PDK3: variants seen among roughly 807,000 people sequenced by gnomAD.
The protein encoded by PDK3 is pyruvate dehydrogenase kinase 3.
A neutral mutation model predicts 32.0 loss-of-function variants in PDK3; 12 were observed. The ratio of observed to expected loss-of-function variants is 0.37; its 90% CI spans 0.24 to 0.61. PDK3 has a LOEUF of 0.61. PDK3 is among the 20% of genes least tolerant of loss of function. PDK3 has a pLI of 0.65. For missense variants in PDK3, 188 were observed against 316.9 expected (o/e 0.59, Z 3.09); for synonymous variants, 122 against 116.3 (o/e 1.05, Z -0.31).
chrX:24,549,919 A>G (rs1009994772), exon 12 of PDK3: 4 of 112,402 alleles, frequency 3.6e-5, no homozygotes, highest in Non-Finnish European at 7.5e-5. Flanking sequence ...ACCATTGTGA[A>G]CATATCTGAT....
At chrX:24,538,810 AT>A (rs1197296401), downstream of PDK3, among the ~76,000 whole-genome samples, 1 of 111,287 alleles carries the variant, frequency 9.0e-6, no homozygotes, top group African/African-American at 3.3e-5. Context: ...ACAATTCCAT[AT>A]TTTTTAGTAT....
chrX:24,496,674 C>T (rs1219798969), intron 2 of PDK3, among the ~76,000 whole-genome samples: 1 of 93,749 alleles, frequency 1.1e-5, no homozygotes, highest in African/African-American at 4.0e-5. Flanking sequence ...AAAAGCGAAT[C>T]TTATGCATAA....
chrX:24,501,045 T>C (rs1022623571), intron 3 of PDK3, among the ~76,000 whole-genome samples: 1 of 83,605 alleles, frequency 1.2e-5, no homozygotes, highest in African/African-American at 4.6e-5. Context: ...ACATCTTTAT[T>C]GTCATTGTAC....
chrX:24,536,726 A>G (rs894293604), downstream of PDK3, among the ~76,000 whole-genome samples: 3 of 110,647 alleles, frequency 2.7e-5, no homozygotes, highest in African/African-American at 9.9e-5. Flanking sequence ...TTTTACATCT[A>G]TATTTCCTCT....
chrX:24,541,755 C>G (rs1280995823), exon 12 of PDK3, among the ~76,000 whole-genome samples: 1 of 112,615 alleles, frequency 8.9e-6, no homozygotes, highest in African/African-American at 3.2e-5. Flanking sequence ...GGCAGAGAAT[C>G]TGGCTGTTTA....
exon 12 of PDK3, chrX:24,546,717 C>T (rs931627875): frequency 2.7e-5 from 3 of 111,555 alleles, no homozygotes. Flanking sequence ...CTGGTCATCC[C>T]TGGGGGTAGA....
chrX:24,478,128 C>G (rs145753445), intron 1 of PDK3, among the ~76,000 whole-genome samples: 1,797 of 111,623 alleles, frequency 0.016, 39 homozygotes, highest in African/African-American at 0.055. Context: ...GGGTTTACAT[C>G]TTTGCCATGT....
intron 1 of PDK3, among the ~76,000 whole-genome samples, chrX:24,490,200 A>G (rs1198316370): frequency 9.0e-6 from 1 of 111,568 alleles, no homozygotes; most frequent in Non-Finnish European, 1.9e-5. Context: ...CTGGTCTCGA[A>G]CTCCTGGCCT....
At chrX:24,484,958 G>A in intron 1 of PDK3, among the ~76,000 whole-genome samples, 1 of 110,956 alleles carries the variant, frequency 9.0e-6, no homozygotes, top group South Asian at 3.8e-4. Context: ...AAGTATGTAT[G>A]TCCTCAGCTT....
intron 5 of PDK3, among the ~76,000 whole-genome samples, chrX:24,509,688 G>A (rs1406076202): frequency 3.6e-5 from 4 of 111,353 alleles, no homozygotes; most frequent in Non-Finnish European, 7.5e-5. Context: ...TTCAGATTCC[G>A]AAAGTGTATA....
intron 6 of PDK3, among the ~76,000 whole-genome samples, chrX:24,519,342 G>A (rs1224888573): frequency 9.4e-6 from 1 of 106,471 alleles, no homozygotes; most frequent in African/African-American, 3.4e-5. Context: ...TCAAGGAAGT[G>A]CAAACAAAAA....
intron 10 of PDK3, among the ~76,000 whole-genome samples, chrX:24,532,823 A>T (rs753890778): frequency 9.0e-6 from 1 of 111,118 alleles, no homozygotes; most frequent in African/African-American, 3.3e-5. Context: ...ATCTTTCCAG[A>T]TCCATTTATG....
At chrX:24,525,848 G>C (rs1275960185) in intron 6 of PDK3, among the ~76,000 whole-genome samples, 1 of 112,254 alleles carries the variant, frequency 8.9e-6, no homozygotes, top group Non-Finnish European at 1.9e-5. Flanking sequence ...AGTGGCAGAA[G>C]GTAGCCCCCA....
intron 5 of PDK3, among the ~76,000 whole-genome samples, chrX:24,506,801 C>CTTTCTTT (rs1921990324): frequency 2.0e-5 from 1 of 49,505 alleles, no homozygotes; most frequent in Non-Finnish European, 3.5e-5. Flanking sequence ...TTTTTTCTTT[C>CTTTCTTT]TTTTTTTTTT....
chrX:24,523,597 G>A (rs756916526), intron 6 of PDK3, among the ~76,000 whole-genome samples: 29 of 112,479 alleles, frequency 2.6e-4, no homozygotes, highest in Non-Finnish European at 5.1e-4. Context: ...GAGCATGGAG[G>A]GATGACGGGA....
chrX:24,486,590 C>T (rs998276071), intron 1 of PDK3, among the ~76,000 whole-genome samples: 8 of 110,862 alleles, frequency 7.2e-5, no homozygotes, highest in African/African-American at 2.6e-4. Context: ...GCGTGAAATC[C>T]CCAGTATTTG....
chrX:24,523,856 C>T (rs1053277032), intron 6 of PDK3, among the ~76,000 whole-genome samples: 1 of 111,513 alleles, frequency 9.0e-6, no homozygotes, highest in East Asian at 2.8e-4. Context: ...ATGGAGAGCC[C>T]CAGGGGGATA....
intron 4 of PDK3, among the ~76,000 whole-genome samples, chrX:24,504,113 T>C (rs764867010): frequency 8.9e-6 from 1 of 112,435 alleles, no homozygotes; most frequent in African/African-American, 3.2e-5. Context: ...GCACTGTCTC[T>C]TTGGCTGATT....
intron 1 of PDK3, among the ~76,000 whole-genome samples, chrX:24,494,159 C>T (rs1221706553): frequency 8.9e-6 from 1 of 112,086 alleles, no homozygotes; most frequent in Non-Finnish European, 1.9e-5. Context: ...GATAGTTTCT[C>T]TGGCATGTTT....
Sources: allele counts gnomAD v4.1 joint callset (sites outside exome capture counted in the v4.1 genomes callset), GRCh38; gene constraint gnomAD v4.1.1; transcripts MANE v1.5; gene names NCBI Gene and HGNC (gene_info 2026-07-23, HGNC 2026-07-21).